Variants in TAOK3 observed in about 807,000 individuals in gnomAD.
TAOK3 encodes the protein serine/threonine-protein kinase TAO3.
In TAOK3, 40 loss-of-function variants were observed where a neutral mutation model predicts 120.4. The ratio of observed to expected loss-of-function variants is 0.33; its 90% CI spans 0.26 to 0.43. The LOEUF is 0.43. Among genes scored for constraint, TAOK3 ranks in the 20% least tolerant of loss-of-function variants. The probability of loss-of-function intolerance (pLI) is 1.00; values close to 1 mark genes in which losing one functional copy is unlikely to be tolerated. For missense variants in TAOK3, 821 were observed against 1,112.1 expected (o/e 0.74, Z 3.72); for synonymous variants, 355 against 387.5 (o/e 0.92, Z 0.99).
At chr12:118,232,664 G>A (rs1165387400) in intron 9 of TAOK3, among the ~76,000 whole-genome samples, 1 of 152,114 alleles carries the variant, frequency 6.6e-6, no homozygotes, top group African/African-American at 2.4e-5. Flanking sequence ...CCAGTGCTTT[G>A]GGACCTCGAG....
rs370158094 is a variant in TAOK3, at chr12:118,354,954, G to A, written c.-194+17694C>T. Among the ~76,000 whole-genome samples the A allele has an allele frequency of 3.9e-5, 6 of 151,926 alleles. No individual in the cohort carries two copies. The East Asian group carries it at 7.7e-4, about 20-fold the overall frequency. On this transcript the variant is annotated intron_variant, in intron 1 of 20. Coordinates refer to ENST00000392533, the MANE Select transcript of TAOK3 (RefSeq NM_016281.4). ...TTTTTTTTTTTAATTAGCTATCTGGGAGGCCAAGGCAGGAGGGTCCCTTGA... is the reference window on the plus strand; with the variant it reads ...TTTTTTTTTTTAATTAGCTATCTGGAAGGCCAAGGCAGGAGGGTCCCTTGA...
At position 118,160,184 on chromosome 12, in the gene TAOK3, A is replaced by T; in HGVS notation, c.2314T>A (p.Tyr772Asn). The T allele has an allele frequency of 6.2e-7, 1 of 1,614,174 alleles. No individual in the cohort carries two copies. Among genetic ancestry groups the T allele is most frequent in the Non-Finnish European group, 8.5e-7 (1 of 1,180,026 alleles). The change falls in exon 19 of 21, where the codon TAT (tyrosine) becomes AAT (asparagine). Residue 772 changes from tyrosine to asparagine, a missense_variant. Tyr to Asn is a moderately radical substitution (Grantham distance 143). Coordinates refer to ENST00000392533, the MANE Select transcript of TAOK3 (RefSeq NM_016281.4). The surrounding 1 kb of genome is among the most constrained non-coding windows in gnomAD (Gnocchi z 4.2). ...ATCATTTCATTTATACTCTGTTCAT[A>T]CTGCTCTGCCAAAATGGCAAGTTTT... ...TRKLAILAEQ[Y>N]EQSINEMMAS...
chr12:118,259,586 T>C (rs1318137226), intron 2 of TAOK3, among the ~76,000 whole-genome samples: 1 of 151,992 alleles, frequency 6.6e-6, no homozygotes, highest in African/African-American at 2.4e-5. Context: ...ATATAAATGA[T>C]GGTATTTGAA....
rs117415336 is a variant in TAOK3, at chr12:118,237,995, A to G, written c.437+78T>C. On this transcript the variant is annotated intron_variant, in intron 7 of 20. Coordinates refer to ENST00000392533, the MANE Select transcript of TAOK3 (RefSeq NM_016281.4). The stretch of plus-strand genomic sequence containing the variant: ...AATGCTTAGGCAACCTAAAAATTGG[A>G]GCATGCACTAATTTTCAAGGTTCCT... 1.1e-4 allele frequency: 102 copies of G among 917,546 alleles called. No individual in the cohort carries two copies. The East Asian group carries it at 1.9e-3, about 17-fold the overall frequency. 56.8% of individuals were successfully genotyped at this position (917,546 alleles called of 1,614,324 possible). A position where few individuals can be genotyped will look rare whatever the true frequency, so the allele number is the denominator to read the frequency against.
intron 13 of TAOK3, among the ~76,000 whole-genome samples, chr12:118,196,303 T>C (rs1251913904): frequency 2.0e-5 from 3 of 152,168 alleles, no homozygotes; most frequent in East Asian, 1.9e-4. Context: ...GTGCAAGTCA[T>C]GCTCTCACTA....
intron 11 of TAOK3, among the ~76,000 whole-genome samples, chr12:118,208,039 A>G (rs2038427248): frequency 6.6e-6 from 1 of 152,078 alleles, no homozygotes; most frequent in South Asian, 2.1e-4. Context: ...CTTTTGTCCT[A>G]TATATTTTAA....
intron 1 of TAOK3, among the ~76,000 whole-genome samples, chr12:118,362,393 T>C (rs1259692727): frequency 2.0e-5 from 3 of 151,346 alleles, no homozygotes; most frequent in Admixed American, 2.0e-4. Context: ...TTTACAAATT[T>C]GTGTTGTGCC....
intron 1 of TAOK3, among the ~76,000 whole-genome samples, chr12:118,322,754 C>T (rs2043773972): frequency 8.9e-6 from 1 of 111,850 alleles, no homozygotes; most frequent in South Asian, 3.1e-4. Flanking sequence ...GAGACGGAGT[C>T]TCGCTCTGTT....
At chr12:118,273,322 G>A (rs1472910199) in intron 1 of TAOK3, among the ~76,000 whole-genome samples, 1 of 152,022 alleles carries the variant, frequency 6.6e-6, no homozygotes, top group East Asian at 1.9e-4. Flanking sequence ...CTAACACGGT[G>A]AAACCCCATC....
intron 1 of TAOK3, among the ~76,000 whole-genome samples, chr12:118,369,319 C>G (rs1220014345): frequency 6.6e-6 from 1 of 152,218 alleles, no homozygotes; most frequent in African/African-American, 2.4e-5. Flanking sequence ...TACCTACTCT[C>G]CTAACCCCCC....
In TAOK3 at chr12:118,233,565, A is replaced by G. The variant is rs893060746; in HGVS notation, c.643+109T>C. 4.7e-6 allele frequency: 4 copies of G among 853,354 alleles called. No homozygotes were observed. The African/African-American group carries it at 6.8e-5, about 15-fold the overall frequency. The allele number at this position is 853,354 out of a possible 1,614,324, so 52.9% of individuals were successfully genotyped here. A position where few individuals can be genotyped will look rare whatever the true frequency, so the allele number is the denominator to read the frequency against. ...ATATACCAGTAACTCATTAAGTAAT[A>G]GCCAGATGAATAACTCCTAATCATT... On this transcript the variant is annotated intron_variant, in intron 9 of 20. Transcript: ENST00000392533.
intron 1 of TAOK3, chr12:118,283,803 A>C: frequency 1.1e-5 from 2 of 179,176 alleles, no homozygotes; most frequent in Non-Finnish European, 1.2e-5. Flanking sequence ...GTGGGCACAA[A>C]GGATTGGAGG....
intron 13 of TAOK3, among the ~76,000 whole-genome samples, chr12:118,190,871 G>C (rs1026590644): frequency 6.6e-6 from 1 of 152,212 alleles, no homozygotes; most frequent in Non-Finnish European, 1.5e-5. Context: ...AGATGAAGTA[G>C]TGGTCAGTCA....
chr12:118,329,547 T>C (rs2044063479), intron 1 of TAOK3, among the ~76,000 whole-genome samples: 1 of 152,206 alleles, frequency 6.6e-6, no homozygotes, highest in Non-Finnish European at 1.5e-5. Context: ...CTATATTCTG[T>C]ATCAAGAGTT....
At chr12:118,239,477 T>C (rs2040151251) in intron 5 of TAOK3, among the ~76,000 whole-genome samples, 2 of 152,330 alleles carry the variant, frequency 1.3e-5, no homozygotes, top group South Asian at 4.1e-4. Flanking sequence ...TTGTTTGAAA[T>C]TGGCCTAAAG....
rs745386098 is a variant in TAOK3, at chr12:118,238,068, C to T, written c.437+5G>A. The T allele has an allele frequency of 2.2e-5, 35 of 1,576,026 alleles. No homozygotes were observed. In the South Asian group the frequency reaches 3.9e-4, roughly 17 times the overall value. The stretch of plus-strand genomic sequence containing the variant: ...AAAAGAAACATAACTGGTCTCTAAT[C>T]TTACCTATGAATCAATGCATGAGAA... On this transcript the variant is annotated splice_donor_5th_base_variant and intron_variant, in intron 7 of 20. Transcript: ENST00000392533.
chr12:118,277,458 AC>A (rs1351794156), intron 1 of TAOK3, among the ~76,000 whole-genome samples: 3 of 150,800 alleles, frequency 2.0e-5, no homozygotes, highest in Non-Finnish European at 4.4e-5. Flanking sequence ...CAGATGATCC[AC>A]CATGTATTTT....
At chr12:118,223,098 C>G (rs146208495) in intron 9 of TAOK3, among the ~76,000 whole-genome samples, 64 of 125,774 alleles carry the variant, frequency 5.1e-4, no homozygotes, top group African/African-American at 1.9e-3. Flanking sequence ...GAGACGCAGT[C>G]TCGCACTGTC....
chr12:118,336,935 C>A (rs2044393115), intron 1 of TAOK3, among the ~76,000 whole-genome samples: 1 of 152,130 alleles, frequency 6.6e-6, no homozygotes. Context: ...AGCTGCCCAC[C>A]TGTAATCACA....
Sources: allele counts gnomAD v4.1 joint callset (sites outside exome capture counted in the v4.1 genomes callset), GRCh38; gene constraint gnomAD v4.1.1; non-coding constraint Gnocchi (gnomAD v3.1); transcripts MANE v1.5; gene names NCBI Gene and HGNC (gene_info 2026-07-23, HGNC 2026-07-21).